The following COL22A1 variants were observed in gnomAD, a reference collection of about 807,000 sequenced individuals.
COL22A1 encodes the protein collagen alpha-1(XXII) chain.
A neutral mutation model predicts 248.9 loss-of-function variants in COL22A1; 221 were observed. The ratio of observed to expected loss-of-function variants is 0.89; its 90% CI spans 0.80 to 0.99. The LOEUF (loss-of-function observed/expected upper bound fraction) is 0.99. Ranked by LOEUF, COL22A1 falls within the 50% of genes least tolerant of loss-of-function variation. COL22A1 has a pLI of 0.00. For missense variants in COL22A1, 2,240 were observed against 2,179.0 expected, an observed-to-expected ratio of 1.03 and a Z score of -0.56; for synonymous variants, 891 against 793.4, an observed-to-expected ratio of 1.12 and a Z score of -2.07.
intron 18 of COL22A1, among the ~76,000 whole-genome samples, chr8:138,759,252 G>A (rs1283336740): frequency 6.6e-6 from 1 of 152,156 alleles, no homozygotes; most frequent in Non-Finnish European, 1.5e-5. Context: ...GCTTCCATAA[G>A]GAGTTGGAGC....
At chr8:138,661,755 A>G (rs1039082198) in intron 43 of COL22A1, among the ~76,000 whole-genome samples, 2 of 152,246 alleles carry the variant, frequency 1.3e-5, no homozygotes, top group Non-Finnish European at 1.5e-5. Flanking sequence ...ACATTGACCA[A>G]GAAATTAGGG....
At chr8:138,824,393 C>G (rs1309421659) in intron 6 of COL22A1, among the ~76,000 whole-genome samples, 1 of 152,186 alleles carries the variant, frequency 6.6e-6, no homozygotes, top group Non-Finnish European at 1.5e-5. Context: ...CAAAATTAAT[C>G]TATAACCTGA....
intron 42 of COL22A1, 148 bp from the exon 43 acceptor site, chr8:138,662,231 C>A: frequency 1.6e-6 from 1 of 633,136 alleles, no homozygotes; most frequent in East Asian, 2.8e-5. Context: ...GCACCCTGCT[C>A]AGAGCTTACT....
chr8:138,691,823 TGGA>T (rs1322994094), intron 35 of COL22A1, among the ~76,000 whole-genome samples: 64 of 146,288 alleles, frequency 4.4e-4, no homozygotes, highest in Non-Finnish European at 4.7e-4. Flanking sequence ...TGCATGTTTG[TGGA>T]GGTGTGTGTA....
chr8:138,882,974 C>T, intron 2 of COL22A1, 108 bp downstream of exon 2: 3 of 996,200 alleles, frequency 3.0e-6, no homozygotes, highest in Non-Finnish European at 4.4e-6. Flanking sequence ...CTCTCTCACA[C>T]AGTCAGTTGT....
chr8:138,628,004 G>T (rs981627236), intron 50 of COL22A1, among the ~76,000 whole-genome samples: 1 of 151,694 alleles, frequency 6.6e-6, no homozygotes, highest in Non-Finnish European at 1.5e-5. Flanking sequence ...ACCTACAAAA[G>T]GTTAGGAAAA....
At chr8:138,881,679 C>A (rs1824226737) in intron 2 of COL22A1, among the ~76,000 whole-genome samples, 1 of 152,172 alleles carries the variant, frequency 6.6e-6, no homozygotes, top group Non-Finnish European at 1.5e-5. Context: ...AGCGAGACTC[C>A]GTCTCTAAAA....
At chr8:138,631,795 C>A (rs912375197) in intron 49 of COL22A1, among the ~76,000 whole-genome samples, 6 of 152,186 alleles carry the variant, frequency 3.9e-5, no homozygotes, top group African/African-American at 1.4e-4. Flanking sequence ...ACCTACCCTT[C>A]CTCATCCCTG....
chr8:138,619,360 G>T, intron 53 of COL22A1, 95 bp downstream of exon 53: 1 of 1,104,676 alleles, frequency 9.1e-7, no homozygotes, highest in Non-Finnish European at 1.4e-6. Context: ...AGGACCCCAC[G>T]GTTGGGCAGT....
intron 1 of COL22A1, among the ~76,000 whole-genome samples, chr8:138,900,771 G>A (rs141494602): frequency 1.2e-3 from 185 of 152,304 alleles, no homozygotes; most frequent in African/African-American, 4.3e-3. Flanking sequence ...TGTGCCAGGC[G>A]TTGTCTTAAT....
chr8:138,781,996 A>T (rs547419723), intron 12 of COL22A1, among the ~76,000 whole-genome samples: 13 of 152,368 alleles, frequency 8.5e-5, no homozygotes, highest in African/African-American at 3.1e-4. Context: ...ATCCTATGAG[A>T]TATGTATTAT....
Position 138,608,001 on chromosome 8 carries a change from A to T in COL22A1, c.3979-12T>A. ...GATCCATTCTTGCCCTGGTGGAAGA[A>T]ACAGAGGTAATCATCCTGCCAGGGC... On this transcript the variant is annotated splice_polypyrimidine_tract_variant and intron_variant, in intron 56 of 64. Transcript: ENST00000303045. The T allele has an allele frequency of 6.2e-7, 1 of 1,613,872 alleles. No individual in the cohort carries two copies.
intron 2 of COL22A1, among the ~76,000 whole-genome samples, chr8:138,880,084 A>G (rs1311238173): frequency 6.6e-6 from 1 of 152,238 alleles, no homozygotes; most frequent in Non-Finnish European, 1.5e-5. Flanking sequence ...AATGGAAAAG[A>G]AAAAGATGTA....
At chr8:138,836,417 T>G (rs1484222101) in intron 4 of COL22A1, among the ~76,000 whole-genome samples, 1 of 152,230 alleles carries the variant, frequency 6.6e-6, no homozygotes, top group African/African-American at 2.4e-5. Context: ...GACTCTACTA[T>G]TAGACATTCA....
chr8:138,798,867 C>T (rs11166845), intron 11 of COL22A1, among the ~76,000 whole-genome samples: 62,696 of 152,034 alleles, frequency 0.41, 17,119 homozygotes, highest in African/African-American at 0.78. Context: ...GTTGAATATG[C>T]AGACTACTGC....
chr8:138,814,343 TC>T (rs1180723015), intron 7 of COL22A1, among the ~76,000 whole-genome samples: 2 of 152,192 alleles, frequency 1.3e-5, no homozygotes, highest in East Asian at 3.9e-4. Context: ...GGAACTTAAT[TC>T]CCCTCCCCTG....
At chr8:138,605,760 C>G (rs1180185635) in intron 58 of COL22A1, among the ~76,000 whole-genome samples, 2 of 152,218 alleles carry the variant, frequency 1.3e-5, no homozygotes, top group Non-Finnish European at 2.9e-5. Flanking sequence ...AATCCCTCAG[C>G]ATCTCCCTGT....
At chr8:138,596,240 G>A (rs1381444266) in intron 62 of COL22A1, among the ~76,000 whole-genome samples, 1 of 152,132 alleles carries the variant, frequency 6.6e-6, no homozygotes, top group Non-Finnish European at 1.5e-5. Context: ...GCTAGACCTG[G>A]GGACTTAACA....
chr8:138,689,363 A>G (rs149115441), intron 36 of COL22A1, among the ~76,000 whole-genome samples: 291 of 152,306 alleles, frequency 1.9e-3, no homozygotes, highest in African/African-American at 6.8e-3. Flanking sequence ...TGGAGTCCCC[A>G]AAAGGTTGAC....
Sources: gnomAD v4.1 joint callset for allele counts (sites outside exome capture counted in the v4.1 genomes callset) on GRCh38, gnomAD v4.1.1 for gene constraint, MANE v1.5 for transcripts, NCBI Gene and HGNC (gene_info 2026-07-23, HGNC 2026-07-21) for gene names.